Variants in MKI67 observed in about 807,000 individuals in gnomAD.
MKI67 encodes the protein proliferation marker protein Ki-67.
MKI67 carries 152 observed loss-of-function variants against 233.5 expected under a neutral mutation model. That is an observed-to-expected ratio of 0.65 (90% CI 0.57 to 0.74). The LOEUF (loss-of-function observed/expected upper bound fraction) is 0.74, where lower values mean the gene tolerates loss of function less well. Ranked by LOEUF, MKI67 falls within the 30% of genes least tolerant of loss-of-function variation. The pLI is 0.00. For missense variants in MKI67, 3,940 were observed against 3,885.2 expected (o/e 1.01, Z -0.37); for synonymous variants, 1,465 against 1,418.5 (o/e 1.03, Z -0.74).
Position 128,103,149 on chromosome 10 carries a change from A to G in MKI67, c.8691T>C (p.Asp2897=), listed in dbSNP as rs1391271115. 1.2e-6 allele frequency: 2 copies of G among 1,612,762 alleles called. No individual in the cohort carries two copies. The highest frequency in any genetic ancestry group is 1.7e-5 in the Admixed American group (1 of 59,886). Reference sequence around the variant, plus strand: ...TTGGCTGTCTCCTGCTGCCAATTACATCTTCTGCGTCCAGCTTCCGCTTTG... The same window carrying G: ...TTGGCTGTCTCCTGCTGCCAATTACGTCTTCTGCGTCCAGCTTCCGCTTTG... ...QPAKRKLDAE[D]VIGSRRQPRA... The change falls in exon 13 of 15, where the codon GAT becomes GAC. Residue 2897 remains aspartate (D), a synonymous_variant. Coordinates refer to ENST00000368654, the MANE Select transcript of MKI67 (RefSeq NM_002417.5).
chr10:128,124,997 C>A (rs545130693), intron 2 of MKI67, among the ~76,000 whole-genome samples: 1 of 152,110 alleles, frequency 6.6e-6, no homozygotes, highest in Non-Finnish European at 1.5e-5. Flanking sequence ...AAATGACCCC[C>A]CTTCTCAGGC....
Position 128,108,642 on chromosome 10 carries a change from T to G in MKI67, c.3198A>C (p.Arg1066Ser), listed in dbSNP as rs1265227155. 3 of 1,613,998 alleles carry G rather than the reference T, an allele frequency of 1.9e-6. No individual in the cohort carries two copies. The highest frequency in any genetic ancestry group is 2.5e-6 in the Non-Finnish European group (3 of 1,180,014). Residue 1066 changes from arginine to serine, a missense_variant, in exon 13 of 15, where the codon AGA becomes AGC. Physicochemically the swap from Arg to Ser is moderately radical, Grantham distance 110. Transcript: ENST00000368654. Reference protein sequence around the residue: ...REPAGDGKSIRTFKESPKQIL... With the variant: ...REPAGDGKSISTFKESPKQIL... ...TCTGCTTTGGAGACTCCTTAAACGT[T>G]CTGATGCTCTTGCCATCTCCTGCTG...
intron 12 of MKI67, among the ~76,000 whole-genome samples, chr10:128,109,904 G>A (rs1464288958): frequency 5.3e-5 from 8 of 152,152 alleles, no homozygotes; most frequent in African/African-American, 1.9e-4. Context: ...GGAATACAGT[G>A]ACCAGTGCCA....
chr10:128,112,314 A>T lies in MKI67; in HGVS notation c.1788T>A (p.Arg596=). ...AAGCAGGGGCTGTTTTGCAGGACCTACGGCGTTGATCACTGGCAACTGGAG... is the reference window on the plus strand; with the variant it reads ...AAGCAGGGGCTGTTTTGCAGGACCTTCGGCGTTGATCACTGGCAACTGGAG... ...RKTPVASDQR[R]RSCKTAPASS... is the part of the protein sequence containing the mutation. The change falls in exon 9 of 15, where the codon CGT becomes CGA. Residue 596 remains arginine, a synonymous_variant. Coordinates refer to ENST00000368654, the MANE Select transcript of MKI67 (RefSeq NM_002417.5). The T allele has an allele frequency of 1.2e-6, 2 of 1,614,190 alleles. No homozygotes were observed. The highest frequency in any genetic ancestry group is 1.7e-6 in the Non-Finnish European group (2 of 1,180,030).
rs780544187 is a variant in MKI67, at chr10:128,115,906, C to T, written c.502G>A (p.Ala168Thr). 16 of 1,610,424 alleles carry T rather than the reference C, an allele frequency of 9.9e-6. No homozygotes were observed. The highest frequency in any genetic ancestry group is 2.2e-5 in the East Asian group (1 of 44,896). The change falls in exon 7 of 15, where the codon GCA becomes ACA. Residue 168 changes from alanine to threonine, a missense_variant. Physicochemically the swap from Ala to Thr is moderately conservative, Grantham distance 58. Transcript: ENST00000368654. ...HIKNVKEDST[A>T]DDSKDSVAQG... ...GCAACACTGTCTTTTGAGTCATCTG[C>T]GGTACTGTCTTCTTTGACATTCTTG...
chr10:128,101,465 C>T lies in MKI67; in HGVS notation c.9498G>A (p.Gln3166=). ...CTCCGCTCTCCTCTGCCACCTTAGG[C>T]TGGGAGCTCTCATTCTGTCTAGCAG... The part of the protein sequence containing the change: ...LRSARQNESS[Q]PKVAEESGGQ... Residue 3166 remains glutamine, a synonymous_variant, in exon 14 of 15, where the codon CAG becomes CAA. Transcript: ENST00000368654. 6.2e-7 allele frequency: 1 copy of T among 1,614,236 alleles called. No homozygotes were observed. Among genetic ancestry groups the T allele is most frequent in the African/African-American group, 1.3e-5 (1 of 75,066 alleles).
At chr10:128,111,011 A>G (rs928110031) in intron 11 of MKI67, among the ~76,000 whole-genome samples, 1 of 152,216 alleles carries the variant, frequency 6.6e-6, no homozygotes, top group African/African-American at 2.4e-5. Flanking sequence ...TCAAGTAATA[A>G]TATATATTTT....
chr10:128,116,419 C>A, intron 6 of MKI67, 72 bp downstream of exon 6: 3 of 1,357,620 alleles, frequency 2.2e-6, no homozygotes, highest in Non-Finnish European at 3.2e-6. Context: ...TCTTGTTGCC[C>A]CTTCTTTGCC....
Position 128,103,786 on chromosome 10 carries a change from A to G in MKI67, c.8054T>C (p.Leu2685Pro), listed in dbSNP as rs1200128772. 6.2e-7 allele frequency: 1 copy of G among 1,612,010 alleles called. No individual in the cohort carries two copies. The highest frequency in any genetic ancestry group is 1.1e-5 in the South Asian group (1 of 90,950). Residue 2685 changes from leucine to proline, a missense_variant, in exon 13 of 15, where the codon CTC (leucine) becomes CCC (proline). By Grantham distance (98) the Leu-to-Pro change is moderately conservative. Transcript: ENST00000368654. Reference sequence around the variant, plus strand: ...CTGAGTGTGACCTGATGTTTCAGAGAGCTCTGTGAAGCCGGCCAGGTCTTC... The same window carrying G: ...CTGAGTGTGACCTGATGTTTCAGAGGGCTCTGTGAAGCCGGCCAGGTCTTC... ...PLEDLAGFTELSETSGHTQES... is the reference protein window; with the variant it reads ...PLEDLAGFTEPSETSGHTQES...
chr10:128,117,908 C>T lies in MKI67; in HGVS notation c.354+1345G>A, dbSNP rs142574139. 3.6e-3 allele frequency among the ~76,000 whole-genome samples: 541 copies of T among 152,314 alleles called. 1 individual carries two copies. The highest frequency in any genetic ancestry group is 0.012 in the African/African-American group (511 of 41,568). On this transcript the variant is annotated intron_variant, in intron 5 of 14. Transcript: ENST00000368654. ...TATCACAGACCAGTAACAGAACAAACAGTTCCTAGACTGCTGAGTGGCACA... is the reference window on the plus strand; with the variant it reads ...TATCACAGACCAGTAACAGAACAAATAGTTCCTAGACTGCTGAGTGGCACA...
rs373588815 is a variant in MKI67, at chr10:128,103,519, G to A, written c.8321C>T (p.Pro2774Leu). Residue 2774 changes from proline (P) to leucine (L), a missense_variant, in exon 13 of 15, where the codon CCG (proline) becomes CTG (leucine). Coordinates refer to ENST00000368654, the MANE Select transcript of MKI67 (RefSeq NM_002417.5). Reference sequence around the variant, plus strand: ...GCCAGTTACACTTGCTGCTGGAGCCGGTGTCTGTTTTGCAGATTCCTTCAA... The same window carrying A: ...GCCAGTTACACTTGCTGCTGGAGCCAGTGTCTGTTTTGCAGATTCCTTCAA... ...KALKESAKQT[P>L]APAASVTGSR... 3.0e-4 allele frequency: 476 copies of A among 1,612,976 alleles called. No individual in the cohort carries two copies. Among genetic ancestry groups the A allele is most frequent in the Non-Finnish European group, 3.7e-4 (442 of 1,179,740 alleles).
intron 1 of MKI67, 80 bp downstream of exon 1, chr10:128,126,019 C>T: frequency 6.3e-6 from 2 of 317,168 alleles, no homozygotes; most frequent in Non-Finnish European, 1.2e-5. Context: ...GTCCCCTGCC[C>T]GTCCCCGCAG....
In MKI67 at chr10:128,115,411, C is replaced by T. The variant is rs774967817; in HGVS notation, c.997G>A (p.Val333Met). ...TCATAGAGAGGAAAGCTGGCGCCCA[C>T]AGCCTTGCTGGGAGTCTGAACAGAC... ...VESVQTPSKA[V>M]GASFPLYEPA... Residue 333 changes from valine to methionine, a missense_variant, in exon 7 of 15, where the codon GTG (valine) becomes ATG (methionine). By Grantham distance (21) the Val-to-Met change is conservative (BLOSUM62 1). Coordinates refer to ENST00000368654, the MANE Select transcript of MKI67 (RefSeq NM_002417.5). 4 of 1,614,170 alleles carry T rather than the reference C, an allele frequency of 2.5e-6. No individual in the cohort carries two copies. In the South Asian group the frequency reaches 4.4e-5, roughly 18 times the overall value.
At chr10:128,124,590 C>T (rs1421607730) in intron 2 of MKI67, among the ~76,000 whole-genome samples, 3 of 152,162 alleles carry the variant, frequency 2.0e-5, no homozygotes, top group Non-Finnish European at 2.9e-5. Context: ...ATTGATCACA[C>T]CCCCTATGCC....
chr10:128,103,670 G>A lies in MKI67; in HGVS notation c.8170C>T (p.Leu2724Phe). 6.2e-7 allele frequency: 1 copy of A among 1,614,144 alleles called. No individual in the cohort carries two copies. Among genetic ancestry groups the A allele is most frequent in the African/African-American group, 1.3e-5 (1 of 75,016 alleles). ...TGTACCTTCTGCACACGTGTCCTGA[G>A]ATGCCTCTTTGTGCTTGCTGTGGTG... Reference protein sequence around the residue: ...VDTTASTKRHLRTRVQKVQVK... With the variant: ...VDTTASTKRHFRTRVQKVQVK... The change falls in exon 13 of 15, where the codon CTC (leucine) becomes TTC (phenylalanine). Residue 2724 changes from leucine (L) to phenylalanine (F), a missense_variant. Transcript: ENST00000368654.
Position 128,108,608 on chromosome 10 carries a change from G to C in MKI67, c.3232C>G (p.Pro1078Ala). 1 of 1,614,136 alleles carries C rather than the reference G, an allele frequency of 6.2e-7. No homozygotes were observed. The highest frequency in any genetic ancestry group is 1.7e-5 in the Admixed American group (1 of 60,024). The change falls in exon 13 of 15, where the codon CCA (proline) becomes GCA (alanine). Residue 1078 changes from proline (P) to alanine (A), a missense_variant. Coordinates refer to ENST00000368654, the MANE Select transcript of MKI67 (RefSeq NM_002417.5). The stretch of plus-strand genomic sequence containing the variant: ...TTCATTCCAGTTACACGGGCTGCTG[G>C]GTCCAGGATCTGCTTTGGAGACTCC... ...FKESPKQILD[P>A]AARVTGMKKW... is the part of the protein sequence containing the mutation.
intron 5 of MKI67, 50 bp downstream of exon 5, chr10:128,119,203 A>C: frequency 7.7e-7 from 1 of 1,294,970 alleles, no homozygotes; most frequent in Middle Eastern, 1.8e-4. Context: ...TACATAAATG[A>C]TTTCATATCA....
rs150489691 is a variant in MKI67 at position 128,108,737 on chromosome 10, T to C, written c.3103A>G (p.Lys1035Glu). Residue 1035 changes from lysine to glutamate, a missense_variant, in exon 13 of 15, where the codon AAA becomes GAA. Coordinates refer to ENST00000368654, the MANE Select transcript of MKI67 (RefSeq NM_002417.5). ...LKASLGKVGV[K>E]EELLAVGKFT... ...TTGCCGACTGCTAGGAGCTCTTCTT[T>C]CACACCTACTTTCCCCAGGGATGCC... The C allele has an allele frequency of 1.2e-6, 2 of 1,614,238 alleles. No individual in the cohort carries two copies. Among genetic ancestry groups the C allele is most frequent in the African/African-American group, 2.7e-5 (2 of 75,068 alleles).
chr10:128,125,430 A>G lies in MKI67; in HGVS notation c.92+146T>C. 1.4e-6 allele frequency: 1 copy of G among 706,814 alleles called. No homozygotes were observed. The allele number at this position is 706,814 out of a possible 1,614,324, so 43.8% of individuals were successfully genotyped here. On this transcript the variant is annotated intron_variant, in intron 2 of 14. Coordinates refer to ENST00000368654, the MANE Select transcript of MKI67 (RefSeq NM_002417.5). This position sits in a 1 kb window ranked among gnomAD's most constrained non-coding sequence, Gnocchi z 5.3. ...ACTTACAAAACAAAAAAACACAACT[A>G]TGTCAACTTAGTAACGAATGGGAGA...
Sources: gnomAD v4.1 joint callset for allele counts (sites outside exome capture counted in the v4.1 genomes callset) on GRCh38, gnomAD v4.1.1 for gene constraint, Gnocchi (gnomAD v3.1) non-coding constraint, MANE v1.5 for transcripts, NCBI Gene and HGNC (gene_info 2026-07-23, HGNC 2026-07-21) for gene names.